Variants in IL19 observed in about 807,000 individuals in gnomAD.
IL19 encodes the protein interleukin-19.
Under a neutral mutation model 19.5 loss-of-function variants are expected in IL19, and 15 were observed. The ratio of observed to expected loss-of-function variants is 0.77; its 90% CI spans 0.52 to 1.19. The LOEUF (loss-of-function observed/expected upper bound fraction) is 1.19. IL19 is among the 50% of genes most tolerant of loss of function. The pLI, the probability that IL19 is intolerant of heterozygous loss-of-function variation, is 0.00. For missense variants in IL19, 199 were observed against 213.1 expected, an observed-to-expected ratio of 0.93 and a Z score of 0.41; for synonymous variants, 78 against 78.3, an observed-to-expected ratio of 1.00 and a Z score of 0.02.
At chr1:206,810,273 A>G (rs2102467039) in intron 2 of IL19, among the ~76,000 whole-genome samples, 1 of 152,352 alleles carries the variant, frequency 6.6e-6, no homozygotes, top group African/African-American at 2.4e-5. Context: ...TAGCTCTTGT[A>G]ACTGGAAGTG....
At chr1:206,834,553 T>C (rs1357862334) in intron 2 of IL19, among the ~76,000 whole-genome samples, 1 of 152,128 alleles carries the variant, frequency 6.6e-6, no homozygotes, top group Non-Finnish European at 1.5e-5. Context: ...GGGTACTCTA[T>C]AGAAAAGGTG....
chr1:206,819,323 C>T (rs1052124055), intron 2 of IL19, among the ~76,000 whole-genome samples: 2 of 151,984 alleles, frequency 1.3e-5, no homozygotes, highest in Non-Finnish European at 1.5e-5. Context: ...CAGTAGCTCA[C>T]GCCTGTAATC....
chr1:206,834,019 G>A, intron 2 of IL19: 5 of 985,394 alleles, frequency 5.1e-6, no homozygotes, highest in Non-Finnish European at 4.8e-6. Flanking sequence ...TGGCCTGCAG[G>A]GTACACTTGG....
At chr1:206,822,467 C>T (rs1443519820) in intron 2 of IL19, among the ~76,000 whole-genome samples, 1 of 152,162 alleles carries the variant, frequency 6.6e-6, no homozygotes, top group Non-Finnish European at 1.5e-5. Context: ...TCCTCATAAC[C>T]CTCATTCCAT....
intron 2 of IL19, among the ~76,000 whole-genome samples, chr1:206,830,866 C>CAA (rs1676584877): frequency 6.6e-6 from 1 of 152,184 alleles, no homozygotes; most frequent in Non-Finnish European, 1.5e-5. Flanking sequence ...CGTGAGCCAC[C>CAA]GCTCCTGGCC....
At chr1:206,823,923 G>A (rs112667395) in intron 2 of IL19, among the ~76,000 whole-genome samples, 1,755 of 152,282 alleles carry the variant, frequency 0.012, 33 homozygotes, top group African/African-American at 0.04. Context: ...TGGAGGCCCT[G>A]CTTCCCTCCG....
intron 1 of IL19, among the ~76,000 whole-genome samples, chr1:206,771,607 T>G (rs3021094): frequency 0.086 from 13,092 of 152,186 alleles, 1,113 homozygotes; most frequent in East Asian, 0.48. Flanking sequence ...CAGGTCCTCC[T>G]CCTCAGAGTC....
In IL19 at chr1:206,798,847, G is replaced by T; in HGVS notation, c.-148-14G>T. On this transcript the variant is annotated splice_polypyrimidine_tract_variant and intron_variant, in intron 1 of 6. Coordinates refer to ENST00000659997, the MANE Select transcript of IL19 (RefSeq NM_153758.5). ...CCTTTTTGTAATGATGACTCTCTAT[G>T]ATTTTCTCCATAGAGCGGTGCTTGC... 7.2e-7 allele frequency: 1 copy of T among 1,394,484 alleles called. No individual in the cohort carries two copies. The highest frequency in any genetic ancestry group is 1.0e-6 in the Non-Finnish European group (1 of 992,764). The allele number at this position is 1,394,484 out of a possible 1,614,324, so 86.4% of individuals were successfully genotyped here. A position where few individuals can be genotyped will look rare whatever the true frequency, so the allele number is the denominator to read the frequency against.
chr1:206,826,135 C>A (rs1676428614), intron 2 of IL19, among the ~76,000 whole-genome samples: 1 of 152,134 alleles, frequency 6.6e-6, no homozygotes, highest in African/African-American at 2.4e-5. Context: ...TCCTCAAGGG[C>A]TGAGGGGAGA....
At chr1:206,783,499 G>A (rs77913112) in intron 1 of IL19, among the ~76,000 whole-genome samples, 2,531 of 152,280 alleles carry the variant, frequency 0.017, 36 homozygotes, top group Non-Finnish European at 0.023. Context: ...GGTGCCTCAA[G>A]CAGTGGGTTG....
intron 1 of IL19, among the ~76,000 whole-genome samples, chr1:206,792,272 C>T (rs913384917): frequency 1.3e-5 from 2 of 152,200 alleles, no homozygotes; most frequent in African/African-American, 4.8e-5. Context: ...AATTCCTTAA[C>T]CATCTTTTTC....
At chr1:206,784,887 T>C (rs1410548735) in intron 1 of IL19, among the ~76,000 whole-genome samples, 1 of 152,166 alleles carries the variant, frequency 6.6e-6, no homozygotes, top group African/African-American at 2.4e-5. Context: ...GGAGGAAGTG[T>C]TGTTGGTGTA....
At chr1:206,821,418 C>T (rs1047554490) in intron 2 of IL19, among the ~76,000 whole-genome samples, 2 of 152,204 alleles carry the variant, frequency 1.3e-5, no homozygotes, top group Admixed American at 6.5e-5. Flanking sequence ...ATCATTGTTA[C>T]GATGCTTGCG....
At chr1:206,771,505 T>C in intron 1 of IL19, 2 of 1,144,388 alleles carry the variant, frequency 1.7e-6, no homozygotes, top group South Asian at 2.7e-5. Context: ...TAGAGATTTT[T>C]TTTTTTAAAT....
At chr1:206,787,983 T>C (rs1409876715) in intron 1 of IL19, among the ~76,000 whole-genome samples, 1 of 152,210 alleles carries the variant, frequency 6.6e-6, no homozygotes, top group Non-Finnish European at 1.5e-5. Flanking sequence ...TCCGTGTTTT[T>C]CAGCAAGCTT....
At chr1:206,807,158 C>T (rs186302513) in intron 2 of IL19, among the ~76,000 whole-genome samples, 45 of 152,236 alleles carry the variant, frequency 3.0e-4, no homozygotes, top group East Asian at 1.7e-3. Flanking sequence ...CCCACTATTA[C>T]GAGAACAGCA....
intron 2 of IL19, among the ~76,000 whole-genome samples, chr1:206,817,724 G>A (rs1478550559): frequency 1.3e-5 from 2 of 151,498 alleles, no homozygotes; most frequent in Non-Finnish European, 2.9e-5. Flanking sequence ...GAACTACAAG[G>A]AGATATAGAA....
intron 2 of IL19, among the ~76,000 whole-genome samples, chr1:206,824,097 G>C (rs917233038): frequency 1.2e-4 from 19 of 152,214 alleles, no homozygotes; most frequent in African/African-American, 4.1e-4. Flanking sequence ...ACTGTTACTT[G>C]ATATCAGCGG....
intron 6 of IL19, among the ~76,000 whole-genome samples, chr1:206,842,133 C>T (rs1421212466): frequency 2.0e-5 from 3 of 152,134 alleles, no homozygotes; most frequent in Non-Finnish European, 2.9e-5. Context: ...CTCTCCCTAC[C>T]CACTGTCCAG....
Sources: gnomAD v4.1 joint callset for allele counts (sites outside exome capture counted in the v4.1 genomes callset) on GRCh38, gnomAD v4.1.1 for gene constraint, MANE v1.5 for transcripts, NCBI Gene and HGNC (gene_info 2026-07-23, HGNC 2026-07-21) for gene names.